Variants in MAP3K4 observed in about 807,000 individuals in gnomAD.
MAP3K4 encodes the protein MAP three kinase 1.
In MAP3K4, 67 loss-of-function variants were observed where a neutral mutation model predicts 185.6. That is an observed-to-expected ratio of 0.36 (90% confidence interval 0.30 to 0.44). The LOEUF is 0.44. MAP3K4 is among the 20% of genes least tolerant of loss of function. MAP3K4 has a pLI of 1.00. For missense variants in MAP3K4, 1,551 were observed against 1,995.1 expected, an observed-to-expected ratio of 0.78 and a Z score of 4.24; for synonymous variants, 702 against 710.4, an observed-to-expected ratio of 0.99 and a Z score of 0.19.
chr6:161,036,100 A>G (rs537080859), intron 2 of MAP3K4, among the ~76,000 whole-genome samples: 1 of 152,342 alleles, frequency 6.6e-6, no homozygotes, highest in South Asian at 2.1e-4. Flanking sequence ...GCCAGTCACT[A>G]GATGTTTGTT....
intron 2 of MAP3K4, among the ~76,000 whole-genome samples, chr6:161,042,056 T>A (rs1374058669): frequency 2.0e-5 from 3 of 151,584 alleles, no homozygotes; most frequent in Non-Finnish European, 4.4e-5. Context: ...CCACCACAAG[T>A]TTCAGGCCTT....
chr6:161,093,653 T>G lies in MAP3K4; in HGVS notation c.3349-120T>G. 1.6e-6 allele frequency: 1 copy of G among 606,812 alleles called. No individual in the cohort carries two copies. The highest frequency in any genetic ancestry group is 2.9e-6 in the Non-Finnish European group (1 of 342,978). 37.6% of individuals were successfully genotyped at this position (606,812 alleles called of 1,614,324 possible). ...TATACCTATTTTCTTTTAAACTAAC[T>G]GAAAATATTTTGGGTAGCATGTTTT... On this transcript the variant is annotated intron_variant, in intron 14 of 26. Coordinates refer to ENST00000392142, the MANE Select transcript of MAP3K4 (RefSeq NM_005922.4). This position sits in a 1 kb window ranked among gnomAD's most constrained non-coding sequence, Gnocchi z 5.2.
chr6:161,092,638 A>ACTTGGTTTTCTCTGCTG (rs201271572), intron 13 of MAP3K4, among the ~76,000 whole-genome samples: 4,507 of 152,264 alleles, frequency 0.03, 192 homozygotes, highest in Middle Eastern at 0.12. Context: ...GTTAGAGAAA[A>ACTTGGTTTTCTCTGCTG]CACATTTGCT....
chr6:161,049,776 G>C lies in MAP3K4; in HGVS notation c.1504G>C (p.Asp502His). 1 of 1,614,176 alleles carries C rather than the reference G, an allele frequency of 6.2e-7. No homozygotes were observed. ...GCTTGAGAGGCTCGAATCTGAGGAT[G>C]ATTCTCTTGGCTGGGGAGCACCAGA... ...KKLERLESED[D>H]SLGWGAPDWS... The change falls in exon 3 of 27, where the codon GAT becomes CAT. Residue 502 changes from aspartate to histidine, a missense_variant. Physicochemically the swap from Asp to His is moderately conservative, Grantham distance 81. Transcript: ENST00000392142. The surrounding 1 kb of genome is among the most constrained non-coding windows in gnomAD (Gnocchi z 8.4).
rs1777617226 is a variant in MAP3K4, at chr6:161,097,314, C to A, written c.3524+138C>A. 2 of 637,902 alleles carry A rather than the reference C, an allele frequency of 3.1e-6. No homozygotes were observed. Among genetic ancestry groups the A allele is most frequent in the Non-Finnish European group, 5.3e-6 (2 of 377,964 alleles). The allele number at this position is 637,902 out of a possible 1,614,324, so 39.5% of individuals were successfully genotyped here. A position where few individuals can be genotyped will look rare whatever the true frequency, so the allele number is the denominator to read the frequency against. On this transcript the variant is annotated intron_variant, in intron 16 of 26. Transcript: ENST00000392142. This position sits in a 1 kb window ranked among gnomAD's most constrained non-coding sequence, Gnocchi z 4.9. ...GTTCGTACGTAAAAGCTCTTACTTG[C>A]ATTATCTTGAAACCTTTAGTCGCAA... is the stretch of plus-strand genomic sequence containing the variant.
At chr6:160,994,708 T>C (rs1020476633) in intron 1 of MAP3K4, among the ~76,000 whole-genome samples, 1 of 152,172 alleles carries the variant, frequency 6.6e-6, no homozygotes. Context: ...TAGGTTTTTT[T>C]AGTTTTTTTT....
chr6:161,079,724 C>G (rs1002413180), intron 5 of MAP3K4, among the ~76,000 whole-genome samples: 1 of 152,104 alleles, frequency 6.6e-6, no homozygotes, highest in African/African-American at 2.4e-5. Flanking sequence ...GGACTGTAGA[C>G]CCATGAATTG....
At position 161,091,523 on chromosome 6, in the gene MAP3K4, T is replaced by TAC; in HGVS notation, c.3120_3121dup (p.Asn1041ThrfsTer14). On this transcript the variant is annotated frameshift_variant, in exon 12 of 27. Coordinates refer to ENST00000392142, the MANE Select transcript of MAP3K4 (RefSeq NM_005922.4). LOFTEE classifies it high-confidence loss of function. The surrounding 1 kb of genome is among the most constrained non-coding windows in gnomAD (Gnocchi z 5.5). ...CTACCGAGAAGCAATGATTCAGGGG[T>TAC]ACAATTTTGGATTTGAGGTAGGTTC... 6.2e-7 allele frequency: 1 copy of TAC among 1,611,294 alleles called. No individual in the cohort carries two copies. Among genetic ancestry groups the TAC allele is most frequent in the Non-Finnish European group, 8.5e-7 (1 of 1,179,058 alleles).
chr6:161,104,433 A>AAT (rs904223288), intron 19 of MAP3K4, among the ~76,000 whole-genome samples: 1 of 146,810 alleles, frequency 6.8e-6, no homozygotes, highest in African/African-American at 2.5e-5. Context: ...AAAAAAAAAA[A>AAT]GCAGGCACAG....
chr6:161,104,917 A>G (rs752847477), intron 19 of MAP3K4, among the ~76,000 whole-genome samples: 3 of 152,170 alleles, frequency 2.0e-5, no homozygotes, highest in Non-Finnish European at 4.4e-5. Context: ...GGACCATTAT[A>G]AATCTTTTAG....
At chr6:161,010,697 C>T (rs1781804999) in intron 1 of MAP3K4, among the ~76,000 whole-genome samples, 1 of 152,192 alleles carries the variant, frequency 6.6e-6, no homozygotes, top group South Asian at 2.1e-4. Context: ...GTTAAATACT[C>T]AAACACTAAT....
intron 1 of MAP3K4, among the ~76,000 whole-genome samples, chr6:161,023,802 T>C (rs1405982834): frequency 1.3e-5 from 2 of 152,242 alleles, no homozygotes; most frequent in African/African-American, 2.4e-5. Context: ...CTGTAAAGAA[T>C]TGCTTAATTT....
intron 3 of MAP3K4, among the ~76,000 whole-genome samples, chr6:161,068,511 C>T (rs1784800618): frequency 6.6e-6 from 1 of 152,108 alleles, no homozygotes; most frequent in Admixed American, 6.5e-5. Flanking sequence ...GGCCATTAGG[C>T]TAAATAAAAG....
chr6:161,109,816 T>C lies in MAP3K4; in HGVS notation c.4298T>C (p.Leu1433Pro). The C allele has an allele frequency of 6.2e-7, 1 of 1,614,174 alleles. No homozygotes were observed. Among genetic ancestry groups the C allele is most frequent in the Non-Finnish European group, 8.5e-7 (1 of 1,180,030 alleles). ...GGGACTTTAGAAGAGGTGTCAAGGC[T>C]GGGACTTCAGGAACATGTGATTAGG... ...DEGTLEEVSR[L>P]GLQEHVIRLY... The change falls in exon 23 of 27, where the codon CTG becomes CCG. Residue 1433 changes from leucine (L) to proline (P), a missense_variant. Coordinates refer to ENST00000392142, the MANE Select transcript of MAP3K4 (RefSeq NM_005922.4). The surrounding 1 kb of genome is among the most constrained non-coding windows in gnomAD (Gnocchi z 5.7).
chr6:161,066,844 C>T (rs1784734792), intron 3 of MAP3K4, among the ~76,000 whole-genome samples: 1 of 152,166 alleles, frequency 6.6e-6, no homozygotes, highest in Non-Finnish European at 1.5e-5. Flanking sequence ...AGGGATTGTG[C>T]CTTTGGCTCA....
chr6:161,098,316 GCCC>G lies in MAP3K4; in HGVS notation c.3564_3566del (p.Pro1189del). 1.3e-6 allele frequency: 2 copies of G among 1,552,068 alleles called. No homozygotes were observed. Among genetic ancestry groups the G allele is most frequent in the South Asian group, 1.1e-5 (1 of 88,316 alleles). The stretch of plus-strand genomic sequence containing the variant: ...CCTTCCGACGCGCGGAGCCATGGCA[GCCC>G]TGCTGCTGCTGCTGCTGCTGCTGCT... On this transcript the variant is annotated inframe_deletion, in exon 17 of 27. Transcript: ENST00000392142. The surrounding 1 kb of genome is among the most constrained non-coding windows in gnomAD (Gnocchi z 4.4).
Position 161,098,576 on chromosome 6 carries a change from C to A in MAP3K4, c.3674+149C>A, listed in dbSNP as rs546161809. 5.6e-5 allele frequency: 49 copies of A among 882,614 alleles called. No homozygotes were observed. The East Asian group carries it at 1.3e-3, about 23-fold the overall frequency. 54.7% of individuals were successfully genotyped at this position (882,614 alleles called of 1,614,324 possible). ...CTCTAGGGCCTTCCGCAGGTTGTCA[C>A]GGCCCAGAGGCTCTGGCACTGACCA... is the stretch of plus-strand genomic sequence containing the variant. On this transcript the variant is annotated intron_variant, in intron 17 of 26. Coordinates refer to ENST00000392142, the MANE Select transcript of MAP3K4 (RefSeq NM_005922.4). This position sits in a 1 kb window ranked among gnomAD's most constrained non-coding sequence, Gnocchi z 4.4.
chr6:161,011,359 A>T (rs767019729), intron 1 of MAP3K4, among the ~76,000 whole-genome samples: 1 of 152,138 alleles, frequency 6.6e-6, no homozygotes, highest in African/African-American at 2.4e-5. Context: ...ATTTTTCAGG[A>T]TTCTGTTTTT....
rs559001015 is a variant in MAP3K4, at chr6:161,034,477, A to G, written c.343+28A>G. ...GAGTCTTGTACTTGAAAAGAGGTGT[A>G]CATGAGAGGGTATGGCACTTGATTG... On this transcript the variant is annotated intron_variant, in intron 2 of 26. Transcript: ENST00000392142. This position sits in a 1 kb window ranked among gnomAD's most constrained non-coding sequence, Gnocchi z 4.4. The G allele has an allele frequency of 5.1e-6, 8 of 1,579,404 alleles. No homozygotes were observed. Among genetic ancestry groups the G allele is most frequent in the Non-Finnish European group, 6.9e-6 (8 of 1,151,870 alleles).
Sources: allele counts gnomAD v4.1 joint callset (sites outside exome capture counted in the v4.1 genomes callset), GRCh38; gene constraint gnomAD v4.1.1; non-coding constraint Gnocchi (gnomAD v3.1); transcripts MANE v1.5; gene names NCBI Gene and HGNC (gene_info 2026-07-23, HGNC 2026-07-21).